The following WDR64 variants were observed in gnomAD, a reference collection of about 807,000 sequenced individuals.
The protein encoded by WDR64 is WD repeat domain 64.
WDR64 carries 112 observed loss-of-function variants against 139.3 expected under a neutral mutation model. That is an observed-to-expected ratio of 0.80 (90% CI 0.69 to 0.94). The LOEUF is 0.94. Among genes scored for constraint, WDR64 ranks in the 40% least tolerant of loss-of-function variants. The pLI, the probability that WDR64 is intolerant of heterozygous loss-of-function variation, is 0.00. For synonymous variants in WDR64, 444 were observed against 437.7 expected, an observed-to-expected ratio of 1.01 and a Z score of -0.18; for missense variants, 1,206 against 1,293.1, an observed-to-expected ratio of 0.93 and a Z score of 1.03.
chr1:241,769,513 GTTAC>G lies in WDR64; in HGVS notation c.2183+14_2183+17del, dbSNP rs1558517167. 5.2e-6 allele frequency: 8 copies of G among 1,547,540 alleles called. No homozygotes were observed. The East Asian group carries it at 2.0e-4, about 38-fold the overall frequency. On this transcript the variant is annotated intron_variant, in intron 17 of 27. Coordinates refer to ENST00000437684, the MANE Select transcript of WDR64 (RefSeq NM_001367482.1). ...TACCCCTGAATGTGCAAGGTAACTC[GTTAC>G]TTACTGAACCAGTAATACTGTCTGG...
intron 4 of WDR64, chr1:241,677,237 C>T (rs899619931): frequency 1.0e-5 from 4 of 397,442 alleles, no homozygotes; most frequent in African/African-American, 2.1e-5. Flanking sequence ...AAACAGGTGA[C>T]TTCCATTAAA....
chr1:241,745,177 T>C (rs933725782), intron 13 of WDR64, among the ~76,000 whole-genome samples: 2 of 152,132 alleles, frequency 1.3e-5, no homozygotes, highest in Admixed American at 6.5e-5. Context: ...ATATGACCGA[T>C]TGCATGAGCT....
intron 24 of WDR64, among the ~76,000 whole-genome samples, chr1:241,789,195 T>C (rs181946885): frequency 2.6e-5 from 4 of 152,236 alleles, no homozygotes; most frequent in Non-Finnish European, 5.9e-5. Flanking sequence ...GCATGGTACA[T>C]ACAGGACAGC....
intron 4 of WDR64, chr1:241,676,556 G>A (rs796445409): frequency 2.0e-5 from 3 of 152,154 alleles, no homozygotes; most frequent in African/African-American, 7.2e-5. Flanking sequence ...ATAATTATGT[G>A]CATACTAAAA....
intron 6 of WDR64, among the ~76,000 whole-genome samples, chr1:241,681,979 GT>G (rs977695418): frequency 5.3e-5 from 8 of 151,538 alleles, no homozygotes; most frequent in Non-Finnish European, 1.2e-4. Flanking sequence ...GAGATTGTTT[GT>G]TTTTTTTCTC....
chr1:241,794,697 C>T (rs747744130), intron 25 of WDR64, among the ~76,000 whole-genome samples: 10 of 151,668 alleles, frequency 6.6e-5, no homozygotes, highest in Non-Finnish European at 1.3e-4. Flanking sequence ...TTAGTAGAGA[C>T]GGGGTTTCAC....
At chr1:241,654,331 T>C (rs539512071) in intron 1 of WDR64, among the ~76,000 whole-genome samples, 6 of 152,338 alleles carry the variant, frequency 3.9e-5, no homozygotes, top group African/African-American at 1.2e-4. Flanking sequence ...TTCCTGACAA[T>C]ATCACCACTT....
chr1:241,787,790 G>A, intron 23 of WDR64, 59 bp from the exon 24 acceptor site: 1 of 1,458,502 alleles, frequency 6.9e-7, no homozygotes, highest in Non-Finnish European at 9.2e-7. Flanking sequence ...CTAATGAACA[G>A]AATAACTTTG....
chr1:241,788,323 G>A (rs1161821921), intron 24 of WDR64, among the ~76,000 whole-genome samples: 1 of 152,192 alleles, frequency 6.6e-6, no homozygotes. Context: ...AAGGCATAGG[G>A]GAGGAAGGAT....
chr1:241,668,651 C>G (rs1338470681), intron 2 of WDR64, among the ~76,000 whole-genome samples: 2 of 151,980 alleles, frequency 1.3e-5, no homozygotes, highest in Non-Finnish European at 2.9e-5. Context: ...TGGCTCACAC[C>G]TGTAATCCCA....
chr1:241,736,850 G>A (rs182455697), intron 10 of WDR64, among the ~76,000 whole-genome samples: 157 of 152,314 alleles, frequency 1.0e-3, no homozygotes, highest in Admixed American at 2.3e-3. Flanking sequence ...GAGACTCAAG[G>A]AGTTTAAGTG....
intron 27 of WDR64, among the ~76,000 whole-genome samples, chr1:241,800,051 C>T (rs1183083053): frequency 6.6e-6 from 1 of 152,162 alleles, no homozygotes; most frequent in Non-Finnish European, 1.5e-5. Context: ...ATAAGAGACA[C>T]TGCAGAAACA....
chr1:241,666,813 A>C (rs545776818), intron 2 of WDR64, among the ~76,000 whole-genome samples: 1 of 152,338 alleles, frequency 6.6e-6, no homozygotes, highest in East Asian at 1.9e-4. Flanking sequence ...AATCCTTACA[A>C]CAGAGCATAA....
At chr1:241,726,742 G>A (rs967298769) in intron 10 of WDR64, among the ~76,000 whole-genome samples, 2 of 151,620 alleles carry the variant, frequency 1.3e-5, no homozygotes, top group Admixed American at 6.6e-5. Context: ...AAAACATAAC[G>A]TGTCTATCAT....
In WDR64 at chr1:241,710,326, C is replaced by T. The variant is rs548940864; in HGVS notation, c.975-1476C>T. Among the ~76,000 whole-genome samples the T allele has an allele frequency of 2.2e-4, 34 of 152,240 alleles. No individual in the cohort carries two copies. In the South Asian group the frequency reaches 4.4e-3, roughly 20 times the overall value. On this transcript the variant is annotated intron_variant, in intron 8 of 27. Transcript: ENST00000437684. Reference sequence around the variant, plus strand: ...TTGGTATTATTATTGTCCATTGTCTCGTCTACTAAGTGAGGAAATTGAAGC... The same window carrying T: ...TTGGTATTATTATTGTCCATTGTCTTGTCTACTAAGTGAGGAAATTGAAGC...
chr1:241,665,131 A>T (rs1456570827), intron 2 of WDR64, among the ~76,000 whole-genome samples: 37 of 152,282 alleles, frequency 2.4e-4, no homozygotes, highest in Non-Finnish European at 1.5e-5. Context: ...GGTTCCTATA[A>T]ATCGTATGCA....
chr1:241,764,886 A>G (rs1658087123), intron 15 of WDR64, among the ~76,000 whole-genome samples: 1 of 152,132 alleles, frequency 6.6e-6, no homozygotes, highest in Admixed American at 6.5e-5. Context: ...GCGCTAACCA[A>G]TGAAATAAAG....
chr1:241,661,799 G>A (rs1217545849), intron 2 of WDR64, among the ~76,000 whole-genome samples: 1 of 152,178 alleles, frequency 6.6e-6, no homozygotes, highest in Non-Finnish European at 1.5e-5. Flanking sequence ...GTCAATCCAA[G>A]GTCAGCAAAC....
In WDR64 at chr1:241,760,347, T is replaced by A. The variant is rs979558059; in HGVS notation, c.1947+2888T>A. On this transcript the variant is annotated intron_variant, in intron 15 of 27. Coordinates refer to ENST00000437684, the MANE Select transcript of WDR64 (RefSeq NM_001367482.1). Reference sequence around the variant, plus strand: ...CAAATAGCCATATATATATATATATTTATATTTATATGAAAAAGACTTACG... The same window carrying A: ...CAAATAGCCATATATATATATATATATATATTTATATGAAAAAGACTTACG... Among the ~76,000 whole-genome samples, 43 of 150,480 alleles carry A rather than the reference T, an allele frequency of 2.9e-4. No individual in the cohort carries two copies. In the East Asian group the frequency reaches 6.2e-3, roughly 22 times the overall value.
Sources: gnomAD v4.1 joint callset for allele counts (sites outside exome capture counted in the v4.1 genomes callset) on GRCh38, gnomAD v4.1.1 for gene constraint, MANE v1.5 for transcripts, NCBI Gene and HGNC (gene_info 2026-07-23, HGNC 2026-07-21) for gene names.